TRIO: variants seen among roughly 807,000 people sequenced by gnomAD.
TRIO encodes the protein trio Rho guanine nucleotide exchange factor, also known as triple functional domain protein.
A neutral mutation model predicts 351.9 loss-of-function variants in TRIO; 58 were observed. The observed-to-expected ratio is 0.16, with a 90% CI of 0.13 to 0.21. The LOEUF (loss-of-function observed/expected upper bound fraction) is 0.21. Among genes scored for constraint, TRIO ranks in the 10% least tolerant of loss-of-function variants. The pLI, the probability that TRIO is intolerant of heterozygous loss-of-function variation, is 1.00. For missense variants in TRIO, 3,201 were observed against 4,027.8 expected (o/e 0.79, Z 5.56); for synonymous variants, 1,758 against 1,595.7 (o/e 1.10, Z -2.42).
Position 14,286,751 on chromosome 5 carries a change from C to A in TRIO, c.348-120C>A, listed in dbSNP as rs1736476619. The A allele has an allele frequency of 9.7e-7, 1 of 1,033,854 alleles. No homozygotes were observed. The highest frequency in any genetic ancestry group is 1.4e-6 in the Non-Finnish European group (1 of 718,208). 64.0% of individuals were successfully genotyped at this position (1,033,854 alleles called of 1,614,324 possible). ...AGCTGAGCACAGTGTGCTCCTTCCC[C>A]TGCCTCCGCACGTGTCCAGCAGGGG... On this transcript the variant is annotated intron_variant, in intron 3 of 56. Coordinates refer to ENST00000344204, the MANE Select transcript of TRIO (RefSeq NM_007118.4). This position sits in a 1 kb window ranked among gnomAD's most constrained non-coding sequence, Gnocchi z 4.4.
chr5:14,489,390 A>T (rs1421098921), intron 48 of TRIO, among the ~76,000 whole-genome samples: 1 of 152,236 alleles, frequency 6.6e-6, no homozygotes, highest in Non-Finnish European at 1.5e-5. Context: ...CCTCCAGAGC[A>T]AGGTGGCCTT....
intron 37 of TRIO, 172 bp downstream of exon 37, chr5:14,465,812 G>C (rs1754213101): frequency 3.1e-6 from 2 of 652,856 alleles, no homozygotes; most frequent in Non-Finnish European, 5.4e-6. Flanking sequence ...GAAGGACTCA[G>C]AGAACTCAGG....
intron 2 of TRIO, among the ~76,000 whole-genome samples, chr5:14,275,866 G>GTGTATA (rs144655462): frequency 5.2e-4 from 75 of 143,942 alleles, no homozygotes; most frequent in African/African-American, 1.4e-3. Flanking sequence ...CTCTATGTGT[G>GTGTATA]TATATATATA....
At chr5:14,313,813 G>C (rs1225656639) in intron 8 of TRIO, among the ~76,000 whole-genome samples, 1 of 152,180 alleles carries the variant, frequency 6.6e-6, no homozygotes, top group Non-Finnish European at 1.5e-5. Flanking sequence ...ATACCTGCCA[G>C]CTTAGCCCCT....
At chr5:14,363,304 T>TA (rs1744314113) in intron 13 of TRIO, among the ~76,000 whole-genome samples, 1 of 152,240 alleles carries the variant, frequency 6.6e-6, no homozygotes, top group Non-Finnish European at 1.5e-5. Context: ...CCAGCCGATT[T>TA]ACTGTCTACT....
chr5:14,486,478 G>A (rs1470487653), intron 47 of TRIO, among the ~76,000 whole-genome samples: 2 of 152,186 alleles, frequency 1.3e-5, no homozygotes, highest in Admixed American at 6.5e-5. Context: ...AGGGGTGGGC[G>A]CTTGAGGATA....
At chr5:14,319,125 CT>C (rs1309532335) in intron 9 of TRIO, among the ~76,000 whole-genome samples, 1 of 152,198 alleles carries the variant, frequency 6.6e-6, no homozygotes, top group Non-Finnish European at 1.5e-5. Context: ...TTTAAGCTAG[CT>C]TTTTTTCCCC....
Position 14,359,469 on chromosome 5 carries a change from G to C in TRIO, c.2329G>C (p.Glu777Gln). 6.2e-7 allele frequency: 1 copy of C among 1,614,282 alleles called. No individual in the cohort carries two copies. Among genetic ancestry groups the C allele is most frequent in the Non-Finnish European group, 8.5e-7 (1 of 1,180,044 alleles). ...GTCGCAGATGGAGGAGCTCTTCCAG[G>C]AGCGCAAGATCAAGCTGGAGCTCTT... is the stretch of plus-strand genomic sequence containing the variant. Reference protein sequence around the residue: ...AQSQMEELFQERKIKLELFLQ... With the variant: ...AQSQMEELFQQRKIKLELFLQ... The change falls in exon 13 of 57, where the codon GAG (glutamate) becomes CAG (glutamine). Residue 777 changes from glutamate (E) to glutamine (Q), a missense_variant. Glu to Gln is a conservative substitution (Grantham distance 29). Transcript: ENST00000344204.
chr5:14,437,866 G>A (rs898772286), intron 34 of TRIO, among the ~76,000 whole-genome samples: 5 of 152,176 alleles, frequency 3.3e-5, no homozygotes, highest in Non-Finnish European at 7.3e-5. Flanking sequence ...GGGGCGATGT[G>A]AAATATGGCC....
chr5:14,207,361 C>G (rs579503), intron 1 of TRIO, among the ~76,000 whole-genome samples: 2,348 of 9,600 alleles, frequency 0.24, 813 homozygotes, highest in East Asian at 0.43. Flanking sequence ...CACACACACA[C>G]AGAGCCAGGT....
chr5:14,205,835 C>T (rs1290849953), intron 1 of TRIO, among the ~76,000 whole-genome samples: 3 of 151,508 alleles, frequency 2.0e-5, no homozygotes, highest in East Asian at 2.0e-4. Context: ...TATGTTTAAG[C>T]GATTCTCGTG....
intron 11 of TRIO, among the ~76,000 whole-genome samples, chr5:14,350,611 G>C (rs1249472656): frequency 1.3e-5 from 2 of 152,124 alleles, no homozygotes; most frequent in African/African-American, 4.8e-5. Flanking sequence ...TCTGGTGCTG[G>C]AGTGTCCACG....
chr5:14,145,474 C>T (rs971631783), intron 1 of TRIO, among the ~76,000 whole-genome samples: 1 of 147,220 alleles, frequency 6.8e-6, no homozygotes, highest in Non-Finnish European at 1.5e-5. Context: ...AAAACATGAG[C>T]TCCTTCTAAA....
At chr5:14,250,618 C>A (rs538464613) in intron 1 of TRIO, among the ~76,000 whole-genome samples, 11 of 152,288 alleles carry the variant, frequency 7.2e-5, no homozygotes, top group African/African-American at 2.6e-4. Flanking sequence ...CCTGCTTTCC[C>A]ATGAGTTCTG....
intron 48 of TRIO, chr5:14,492,353 A>T: frequency 1.6e-6 from 1 of 632,944 alleles, no homozygotes; most frequent in Non-Finnish European, 2.6e-6. Flanking sequence ...GCGTCCCTAA[A>T]TTGCTTTCTA....
chr5:14,458,999 GAC>G (rs1753576455), intron 34 of TRIO, among the ~76,000 whole-genome samples: 1 of 152,106 alleles, frequency 6.6e-6, no homozygotes, highest in African/African-American at 2.4e-5. Flanking sequence ...ACATAATATA[GAC>G]ACACATACAG....
intron 2 of TRIO, among the ~76,000 whole-genome samples, chr5:14,276,879 A>C (rs948818032): frequency 2.0e-5 from 3 of 152,178 alleles, no homozygotes; most frequent in Admixed American, 2.0e-4. Context: ...AGAAGAGGGA[A>C]ATGAGGTCTC....
Position 14,479,937 on chromosome 5 carries a change from G to A in TRIO, c.6262G>A (p.Gly2088Ser), listed in dbSNP as rs1290362862. ...TFFEDLKQRL[G>S]HRLQLTDLLI... ...ACTGTAGGACTTAAAGCAGCGTCTT[G>A]GCCACAGGTTACAGCTCACAGATCT... is the stretch of plus-strand genomic sequence containing the variant. Residue 2088 changes from glycine (G) to serine (S), a missense_variant, in exon 43 of 57, where the codon GGC becomes AGC. Transcript: ENST00000344204. 6 of 1,613,956 alleles carry A rather than the reference G, an allele frequency of 3.7e-6. No homozygotes were observed. The highest frequency in any genetic ancestry group is 5.1e-6 in the Non-Finnish European group (6 of 1,179,922).
intron 11 of TRIO, among the ~76,000 whole-genome samples, chr5:14,353,589 A>T (rs1041065367): frequency 6.6e-6 from 1 of 152,134 alleles, no homozygotes; most frequent in Admixed American, 6.5e-5. Flanking sequence ...GGCAGGCATT[A>T]TTACCATGCC....
Sources: allele counts gnomAD v4.1 joint callset (sites outside exome capture counted in the v4.1 genomes callset), GRCh38; gene constraint gnomAD v4.1.1; non-coding constraint Gnocchi (gnomAD v3.1); transcripts MANE v1.5; gene names NCBI Gene and HGNC (gene_info 2026-07-23, HGNC 2026-07-21).